PDE6B: variants seen among roughly 807,000 people sequenced by gnomAD.
PDE6B encodes the protein rod cGMP-specific 3',5'-cyclic phosphodiesterase subunit beta.
PDE6B carries 106 observed loss-of-function variants against 109.0 expected under a neutral mutation model. The ratio of observed to expected loss-of-function variants is 0.97; its 90% confidence interval spans 0.83 to 1.14. The LOEUF (loss-of-function observed/expected upper bound fraction) is 1.14. PDE6B is among the 50% of genes most tolerant of loss of function. The probability of loss-of-function intolerance (pLI) is 0.00; values close to 1 mark genes in which losing one functional copy is unlikely to be tolerated. For synonymous variants in PDE6B, 490 were observed against 471.3 expected (o/e 1.04, Z -0.51); for missense variants, 1,193 against 1,155.6 (o/e 1.03, Z -0.47).
In PDE6B at chr4:654,078, A is replaced by G. The variant is rs1442753405; in HGVS notation, c.853-2A>G. 1 of 1,613,848 alleles carries G rather than the reference A, an allele frequency of 6.2e-7. No homozygotes were observed. The highest frequency in any genetic ancestry group is 8.5e-7 in the Non-Finnish European group (1 of 1,180,000). Reference sequence around the variant, plus strand: ...CCCCACCCTCACCTCTTCTCTGCCCAGGAATTTTTTGACGTGTGGTCTGTG... The same window carrying G: ...CCCCACCCTCACCTCTTCTCTGCCCGGGAATTTTTTGACGTGTGGTCTGTG... On this transcript the variant is annotated splice_acceptor_variant, in intron 4 of 21. Coordinates refer to ENST00000496514, the MANE Select transcript of PDE6B (RefSeq NM_000283.4). LOFTEE classifies it high-confidence loss of function.
In PDE6B at chr4:636,642, G is replaced by C. The variant is rs544205602; in HGVS notation, c.711+673G>C. 1.2e-4 allele frequency among the ~76,000 whole-genome samples: 18 copies of C among 152,320 alleles called. No homozygotes were observed. The South Asian group carries it at 2.7e-3, about 23-fold the overall frequency. On this transcript the variant is annotated intron_variant, in intron 3 of 21. Coordinates refer to ENST00000496514, the MANE Select transcript of PDE6B (RefSeq NM_000283.4). The surrounding 1 kb of genome is among the most constrained non-coding windows in gnomAD (Gnocchi z 4.5). ...AATGGCCTGGGGGCTGAGCCACAAA[G>C]GAGAACTGTGAAGACGGCGGTCACC...
intron 3 of PDE6B, among the ~76,000 whole-genome samples, chr4:642,383 GGAAAATCGCTT>G (rs971223553): frequency 2.6e-5 from 4 of 152,098 alleles, no homozygotes. Context: ...GGCTGAGACA[GGAAAATCGCTT>G]GAACCTGGGA....
chr4:664,847 C>A (rs1163661289), intron 17 of PDE6B, 34 bp from the exon 18 acceptor site: 2 of 1,570,046 alleles, frequency 1.3e-6, no homozygotes, highest in Non-Finnish European at 8.8e-7. Context: ...TCAGGAGACG[C>A]CCATCAGCAC....
chr4:668,074 G>T (rs537349562), intron 21 of PDE6B, 68 bp downstream of exon 21: 11 of 1,447,846 alleles, frequency 7.6e-6, no homozygotes, highest in East Asian at 6.9e-5. Flanking sequence ...AAAAGACAGG[G>T]CACAGAGCAG....
rs764834408 is a variant in PDE6B at position 626,091 on chromosome 4, C to T, written c.465C>T (p.Ala155=). The T allele has an allele frequency of 1.5e-5, 23 of 1,564,572 alleles. No homozygotes were observed. Among genetic ancestry groups the T allele is most frequent in the Admixed American group, 5.4e-5 (3 of 55,534 alleles). ...AGATGGTGAACGTCGAGGACGTGGC[C>T]GAGGTGGGTCTGTGCGGAGCCTCAG... The part of the protein sequence containing the change: ...TKKMVNVEDV[A]ECPHFSSFAD... The change falls in exon 1 of 22, where the codon GCC becomes GCT. Residue 155 remains alanine, a synonymous_variant. Transcript: ENST00000496514. This position sits in a 1 kb window ranked among gnomAD's most constrained non-coding sequence, Gnocchi z 4.6.
chr4:628,194 A>ATCGCCTCATG lies in PDE6B; in HGVS notation c.468+2100_468+2101insTCGCCTCATG, dbSNP rs1272264974. 5.4e-4 allele frequency among the ~76,000 whole-genome samples: 82 copies of ATCGCCTCATG among 152,192 alleles called. 1 individual carries two copies. The highest frequency in any genetic ancestry group is 1.9e-3 in the African/African-American group (78 of 41,586). On this transcript the variant is annotated intron_variant, in intron 1 of 21. Coordinates refer to ENST00000496514, the MANE Select transcript of PDE6B (RefSeq NM_000283.4). ...TGAAGTGCAAATCCTCATGAAGTGCAAAGCCTCATGAAGTGCATCTCAGCA... is the reference window on the plus strand; with the variant it reads ...TGAAGTGCAAATCCTCATGAAGTGCATCGCCTCATGAAGCCTCATGAAGTGCATCTCAGCA...
intron 21 of PDE6B, among the ~76,000 whole-genome samples, chr4:668,404 T>C (rs1027391432): frequency 2.0e-5 from 3 of 151,528 alleles, no homozygotes; most frequent in African/African-American, 7.3e-5. Context: ...CTATTCCCGC[T>C]GCTCCCAGTA....
In PDE6B at chr4:662,312, G is replaced by A. The variant is rs1375089818; in HGVS notation, c.1722+71G>A. ...ACCAAGGGCAGCACTCAAGCACCCC[G>A]AGGGATGAGATGGGGGTCCTCCCAG... On this transcript the variant is annotated intron_variant, in intron 13 of 21. Coordinates refer to ENST00000496514, the MANE Select transcript of PDE6B (RefSeq NM_000283.4). This position sits in a 1 kb window ranked among gnomAD's most constrained non-coding sequence, Gnocchi z 4.3. 3.2e-6 allele frequency: 3 copies of A among 937,530 alleles called. No homozygotes were observed. The highest frequency in any genetic ancestry group is 2.1e-4 in the Middle Eastern group (1 of 4,830). The allele number at this position is 937,530 out of a possible 1,614,324, so 58.1% of individuals were successfully genotyped here.
At chr4:655,227 C>G in intron 6 of PDE6B, 1 of 386,764 alleles carries the variant, frequency 2.6e-6, no homozygotes, top group Non-Finnish European at 4.9e-6. Flanking sequence ...GGATTTGACC[C>G]TGGCACCACC....
At chr4:630,723 G>A (rs967236646) in intron 1 of PDE6B, among the ~76,000 whole-genome samples, 6 of 152,194 alleles carry the variant, frequency 3.9e-5, no homozygotes, top group African/African-American at 1.2e-4. Flanking sequence ...CAGAACCTCC[G>A]CGGTGGCCAA....
intron 11 of PDE6B, among the ~76,000 whole-genome samples, chr4:660,170 GTGTT>G (rs1445956078): frequency 3.3e-5 from 5 of 152,210 alleles, no homozygotes; most frequent in African/African-American, 1.2e-4. Context: ...GTGTGTGTGT[GTGTT>G]TCTTTTCATG....
chr4:639,893 C>T (rs190194520), intron 3 of PDE6B, among the ~76,000 whole-genome samples: 97 of 152,198 alleles, frequency 6.4e-4, no homozygotes, highest in Non-Finnish European at 1.1e-3. Context: ...ATCGCTTGAA[C>T]CCAGGAGCTG....
In PDE6B at chr4:664,841, GA is replaced by G. The variant is rs1449526019; in HGVS notation, c.2130-39del. On this transcript the variant is annotated intron_variant, in intron 17 of 21. Coordinates refer to ENST00000496514, the MANE Select transcript of PDE6B (RefSeq NM_000283.4). ...ACACATATAAACCACCTGCCCTCAG[GA>G]GACGCCCATCAGCACTCGTGCCCGG... 3.9e-6 allele frequency: 6 copies of G among 1,531,072 alleles called. No homozygotes were observed. The African/African-American group carries it at 8.2e-5, about 21-fold the overall frequency. 94.8% of individuals were successfully genotyped at this position (1,531,072 alleles called of 1,614,324 possible). A position where few individuals can be genotyped will look rare whatever the true frequency, so the allele number is the denominator to read the frequency against.
In PDE6B at chr4:663,023, C is replaced by A; in HGVS notation, c.1833-77C>A. ...GTCTCAAAAAAAAGAAAGTGGGGCC[C>A]ATCTGGGGGGGCTGCAGAGCGCAGG... On this transcript the variant is annotated intron_variant, in intron 14 of 21. Transcript: ENST00000496514. This position sits in a 1 kb window ranked among gnomAD's most constrained non-coding sequence, Gnocchi z 4.0. 1.2e-6 allele frequency: 1 copy of A among 838,964 alleles called. No homozygotes were observed. 52.0% of individuals were successfully genotyped at this position (838,964 alleles called of 1,614,324 possible).
rs745381251 is a variant in PDE6B, at chr4:663,137, A to G, written c.1870A>G (p.Ile624Val). The change falls in exon 15 of 22, where the codon ATT becomes GTT. Residue 624 changes from isoleucine (I) to valine (V), a missense_variant. Transcript: ENST00000496514. The surrounding 1 kb of genome is among the most constrained non-coding windows in gnomAD (Gnocchi z 4.0). ...CTTGGCTAAGCTCCACGGCTCCTCG[A>G]TTTTGGAGCGGCACCACCTGGAGTT... The part of the protein sequence containing the change: ...NPLAKLHGSS[I>V]LERHHLEFGK... 6 of 1,612,574 alleles carry G rather than the reference A, an allele frequency of 3.7e-6. No homozygotes were observed. The South Asian group carries it at 4.4e-5, about 12-fold the overall frequency.
intron 1 of PDE6B, among the ~76,000 whole-genome samples, chr4:632,022 G>A (rs1408122590): frequency 6.6e-6 from 1 of 150,474 alleles, no homozygotes; most frequent in African/African-American, 2.5e-5. Flanking sequence ...GTCATGTTGT[G>A]TGGATCTGCA....
At chr4:634,893 G>T (rs1405672632) in intron 2 of PDE6B, 64 bp downstream of exon 2, 1 of 1,417,784 alleles carries the variant, frequency 7.1e-7, no homozygotes, top group African/African-American at 1.4e-5. Flanking sequence ...CCGCCCGCCT[G>T]TTCTGTGCTG....
chr4:658,836 T>A, intron 10 of PDE6B, 116 bp from the exon 11 acceptor site: 1 of 771,428 alleles, frequency 1.3e-6, no homozygotes, highest in Non-Finnish European at 2.3e-6. Flanking sequence ...CTTCCCAGGG[T>A]GAAAGCACAA....
At chr4:656,146 A>T in intron 7 of PDE6B, 99 bp from the exon 8 acceptor site, 2 of 1,024,154 alleles carry the variant, frequency 2.0e-6, no homozygotes, top group Non-Finnish European at 3.1e-6. Flanking sequence ...GCCCTGCTTT[A>T]CCTACTTAAA....
Sources: gnomAD v4.1 joint callset for allele counts (sites outside exome capture counted in the v4.1 genomes callset) on GRCh38, gnomAD v4.1.1 for gene constraint, Gnocchi (gnomAD v3.1) non-coding constraint, MANE v1.5 for transcripts, NCBI Gene and HGNC (gene_info 2026-07-23, HGNC 2026-07-21) for gene names.